ZFHX3: variants seen among roughly 807,000 people sequenced by gnomAD.
ZFHX3 encodes the protein zinc finger homeobox protein 3.
ZFHX3 carries 42 observed loss-of-function variants against 279.1 expected under a neutral mutation model. The ratio of observed to expected loss-of-function variants is 0.15; its 90% CI spans 0.12 to 0.19. The LOEUF is 0.19. ZFHX3 is among the 10% of genes least tolerant of loss of function. ZFHX3 has a pLI of 1.00. For synonymous variants in ZFHX3, 2,293 were observed against 1,957.8 expected (o/e 1.17, Z -4.52); for missense variants, 4,981 against 4,754.0 (o/e 1.05, Z -1.40).
At chr16:73,020,276 G>T (rs148782849) in intron 1 of ZFHX3, among the ~76,000 whole-genome samples, 1 of 152,254 alleles carries the variant, frequency 6.6e-6, no homozygotes, top group African/African-American at 2.4e-5. Flanking sequence ...CACTCCCTTA[G>T]GATCATGAGC....
intron 4 of ZFHX3, among the ~76,000 whole-genome samples, chr16:73,298,063 T>A (rs2014959777): frequency 6.6e-6 from 1 of 151,576 alleles, no homozygotes; most frequent in Non-Finnish European, 1.5e-5. Flanking sequence ...TGGTGGCATG[T>A]GCCTATAATA....
In ZFHX3 at chr16:73,722,384, C is replaced by T. The variant is rs369576142; in HGVS notation, c.-1607-42144G>A. 4.3e-4 allele frequency among the ~76,000 whole-genome samples: 65 copies of T among 152,298 alleles called. No individual in the cohort carries two copies. In the Middle Eastern group the frequency reaches 0.017, roughly 40 times the overall value. On this transcript the variant is annotated intron_variant, in intron 1 of 17. Coordinates refer to the ZFHX3 transcript ENST00000641206. ...GAATTCAATTTCAAGCTATCTGAGA[C>T]GCCAGCACTATTTTCCTAAAATTAA...
chr16:73,125,030 A>G (rs9931703), intron 7 of ZFHX3, among the ~76,000 whole-genome samples: 123,874 of 152,026 alleles, frequency 0.81, 50,841 homozygotes, highest in Middle Eastern at 0.91. Context: ...GGAGAAGGTG[A>G]GAGAGTAGAT....
rs540100239 is a variant in ZFHX3 at position 73,101,964 on chromosome 16, C to T, written c.-896-8366G>A. On this transcript the variant is annotated intron_variant, in intron 7 of 17. Transcript: ENST00000641206. ...GATCTCATTCTGTCACCCAGGCTGGCGTGCACTGGCGCCATCTCAGCTCAC... is the reference window on the plus strand; with the variant it reads ...GATCTCATTCTGTCACCCAGGCTGGTGTGCACTGGCGCCATCTCAGCTCAC... Among the ~76,000 whole-genome samples, 366 of 144,600 alleles carry T rather than the reference C, an allele frequency of 2.5e-3. 4 individuals are homozygous for T. Among genetic ancestry groups the T allele is most frequent in the African/African-American group, 8.7e-3 (337 of 38,772 alleles). The allele number at this position is 144,600 out of a possible 152,430, so 94.9% of individuals were successfully genotyped here.
intron 2 of ZFHX3, among the ~76,000 whole-genome samples, chr16:73,462,999 T>C (rs1287554872): frequency 6.6e-6 from 1 of 152,218 alleles, no homozygotes; most frequent in African/African-American, 2.4e-5. Flanking sequence ...TGCTTCTTTA[T>C]ATGTTTGTCA....
chr16:72,916,346 G>T (rs757835120), intron 3 of ZFHX3, among the ~76,000 whole-genome samples: 5 of 152,186 alleles, frequency 3.3e-5, no homozygotes, highest in Non-Finnish European at 5.9e-5. Flanking sequence ...ATGGTAAGAG[G>T]TCTCTGTACT....
chr16:73,525,857 C>T (rs1464749649), intron 2 of ZFHX3, among the ~76,000 whole-genome samples: 3 of 152,270 alleles, frequency 2.0e-5, no homozygotes, highest in East Asian at 3.9e-4. Flanking sequence ...CCCTTTTAAG[C>T]CTTACATCAG....
chr16:73,130,224 G>T (rs113174184), intron 7 of ZFHX3, among the ~76,000 whole-genome samples: 6 of 151,686 alleles, frequency 4.0e-5, no homozygotes, highest in Admixed American at 6.6e-5. Flanking sequence ...CCTAACCCAC[G>T]TAATTAAAGT....
At chr16:73,017,680 T>C (rs530560542) in intron 1 of ZFHX3, among the ~76,000 whole-genome samples, 3 of 152,150 alleles carry the variant, frequency 2.0e-5, no homozygotes, top group Non-Finnish European at 4.4e-5. Flanking sequence ...AGAGCTTTGC[T>C]AGCTTAGCAC....
chr16:73,460,429 G>C (rs2018453053), intron 2 of ZFHX3, among the ~76,000 whole-genome samples: 1 of 152,152 alleles, frequency 6.6e-6, no homozygotes, highest in African/African-American at 2.4e-5. Flanking sequence ...GTTATAAATA[G>C]TCATGTACAG....
intron 2 of ZFHX3, among the ~76,000 whole-genome samples, chr16:73,616,330 G>A (rs533301635): frequency 2.0e-4 from 30 of 148,248 alleles, no homozygotes; most frequent in African/African-American, 7.3e-4. Context: ...CAGCTGACAA[G>A]GAAACACTAT....
chr16:73,413,100 G>A (rs141278629), intron 3 of ZFHX3, among the ~76,000 whole-genome samples: 103 of 152,318 alleles, frequency 6.8e-4, no homozygotes, highest in African/African-American at 2.0e-3. Flanking sequence ...GATTACTGGC[G>A]ATTATGAATG....
chr16:73,154,754 C>T (rs72795201), intron 5 of ZFHX3, among the ~76,000 whole-genome samples: 3,400 of 152,104 alleles, frequency 0.022, 65 homozygotes, highest in Non-Finnish European at 0.03. Flanking sequence ...CCTTCAAGAG[C>T]TTCATACTAC....
intron 4 of ZFHX3, among the ~76,000 whole-genome samples, chr16:72,876,038 T>C (rs964074549): frequency 2.0e-5 from 3 of 152,234 alleles, no homozygotes; most frequent in African/African-American, 7.2e-5. Flanking sequence ...TCTAGCATCC[T>C]GGTTACTCAG....
At chr16:73,426,428 A>G (rs996078355) in intron 3 of ZFHX3, among the ~76,000 whole-genome samples, 2 of 152,214 alleles carry the variant, frequency 1.3e-5, no homozygotes, top group Non-Finnish European at 2.9e-5. Flanking sequence ...GAGGGTGGCT[A>G]TCCTGTTTGG....
At chr16:73,663,110 G>A (rs1250003336) in intron 2 of ZFHX3, among the ~76,000 whole-genome samples, 2 of 152,216 alleles carry the variant, frequency 1.3e-5, no homozygotes, top group Admixed American at 6.5e-5. Flanking sequence ...GAGTGGGGGA[G>A]GAGTGAAAGC....
intron 1 of ZFHX3, among the ~76,000 whole-genome samples, chr16:72,984,742 G>A (rs1408880990): frequency 1.3e-5 from 2 of 152,160 alleles, no homozygotes; most frequent in East Asian, 1.9e-4. Context: ...CAATGTTGAG[G>A]ACCCCGTGAT....
chr16:73,338,663 A>G (rs1483897559), intron 3 of ZFHX3, among the ~76,000 whole-genome samples: 2 of 152,102 alleles, frequency 1.3e-5, no homozygotes, highest in Non-Finnish European at 2.9e-5. Flanking sequence ...ACCCCTGCCA[A>G]TATATGTTTC....
At chr16:73,745,741 C>T (rs1179332684) in intron 1 of ZFHX3, among the ~76,000 whole-genome samples, 3 of 152,162 alleles carry the variant, frequency 2.0e-5, no homozygotes, top group African/African-American at 7.2e-5. Flanking sequence ...AAATTATTGT[C>T]TTCCTGCCAA....
Sources: allele counts gnomAD v4.1 joint callset (sites outside exome capture counted in the v4.1 genomes callset), GRCh38; gene constraint gnomAD v4.1.1; transcripts MANE v1.5; gene names NCBI Gene and HGNC (gene_info 2026-07-23, HGNC 2026-07-21).